Variants in LRTM3 observed in about 807,000 individuals in gnomAD.
LRTM3 encodes the protein leucine rich repeat transmembrane protein 3.
the LRTM3 span, chr13:102,737,602 A>C: frequency 6.4e-7 from 1 of 1,550,542 alleles, no homozygotes; most frequent in Non-Finnish European, 8.7e-7. Context: ...GGTTCTGTGA[A>C]AGTGCCTTCT....
chr13:102,751,342 T>TAC, the LRTM3 span, among the ~76,000 whole-genome samples: 6,704 of 142,006 alleles, frequency 0.047, 209 homozygotes, highest in African/African-American at 0.08. Context: ...TCTCTCTTTA[T>TAC]ACACACACAC....
the LRTM3 span, chr13:102,758,902 C>CT: frequency 1.9e-6 from 3 of 1,543,512 alleles, no homozygotes; most frequent in Non-Finnish European, 2.6e-6. Context: ...CTCCCTACCC[C>CT]TTTTTTAAAG....
the LRTM3 span, chr13:102,758,927 T>C: frequency 1.3e-6 from 2 of 1,510,580 alleles, no homozygotes; most frequent in Non-Finnish European, 1.8e-6. Context: ...AATATTGCTT[T>C]GACATTTTAA....
chr13:102,747,428 A>G, the LRTM3 span: 3 of 1,548,026 alleles, frequency 1.9e-6, no homozygotes, highest in Admixed American at 5.9e-5. Flanking sequence ...TACTTTCATA[A>G]TTACATATTT....
At chr13:102,751,118 G>A in the LRTM3 span, among the ~76,000 whole-genome samples, 2,414 of 152,198 alleles carry the variant, frequency 0.016, 82 homozygotes, top group African/African-American at 0.056. Flanking sequence ...TCAGTGAACT[G>A]TGAGAAAAGC....
chr13:102,748,120 G>A, the LRTM3 span: 1 of 1,551,058 alleles, frequency 6.4e-7, no homozygotes, highest in African/African-American at 1.4e-5. Flanking sequence ...CTTTTGATAT[G>A]CTATGTGTTT....
chr13:102,732,494 T>C, the LRTM3 span: 8 of 1,551,134 alleles, frequency 5.2e-6, no homozygotes, highest in South Asian at 7.1e-5. Flanking sequence ...AAGAGGAACA[T>C]ATGAATAAAA....
the LRTM3 span, chr13:102,748,400 T>A: frequency 6.4e-7 from 1 of 1,551,208 alleles, no homozygotes; most frequent in Non-Finnish European, 8.7e-7. Context: ...CAAACCGACA[T>A]TTGACAACTC....
the LRTM3 span, chr13:102,741,688 T>C: frequency 1.3e-6 from 2 of 1,550,442 alleles, no homozygotes; most frequent in African/African-American, 2.7e-5. Context: ...CTGTAAAAAA[T>C]ATATTCTGTC....
chr13:102,748,672 A>G, the LRTM3 span: 2 of 1,550,344 alleles, frequency 1.3e-6, no homozygotes, highest in Non-Finnish European at 1.7e-6. Flanking sequence ...ATGGTTTTTT[A>G]CTATTTAGAA....
the LRTM3 span, chr13:102,733,084 G>C: frequency 3.0e-5 from 46 of 1,549,682 alleles, no homozygotes; most frequent in Non-Finnish European, 4.0e-5. Context: ...TTGTTTTCTT[G>C]TCCACATCTG....
At chr13:102,743,766 T>A in the LRTM3 span, 1 of 1,550,500 alleles carries the variant, frequency 6.4e-7, no homozygotes, top group East Asian at 2.4e-5. Context: ...CTATTGATTT[T>A]ATGTATCTGT....
At chr13:102,730,025 G>A in the LRTM3 span, 1 of 1,551,604 alleles carries the variant, frequency 6.4e-7, no homozygotes, top group Non-Finnish European at 8.7e-7. Context: ...AGATGACCTA[G>A]ACTGAATTTC....
the LRTM3 span, chr13:102,737,300 A>T: frequency 1.3e-6 from 2 of 1,551,114 alleles, no homozygotes; most frequent in African/African-American, 1.4e-5. Context: ...CTGCTGCCTT[A>T]GTTGCAAAGT....
At chr13:102,730,430 G>A in the LRTM3 span, 2 of 1,550,932 alleles carry the variant, frequency 1.3e-6, no homozygotes, top group Non-Finnish European at 1.7e-6. Context: ...TGAAACAGCT[G>A]AACCAGTAGC....
chr13:102,755,976 T>A, the LRTM3 span, among the ~76,000 whole-genome samples: 1 of 132,178 alleles, frequency 7.6e-6, no homozygotes, highest in Non-Finnish European at 1.6e-5. Flanking sequence ...TTTTTTTTCC[T>A]TTTGAGCTGG....
the LRTM3 span, chr13:102,743,238 C>A: frequency 2.8e-5 from 43 of 1,550,678 alleles, no homozygotes; most frequent in Middle Eastern, 1.7e-4. Flanking sequence ...GAATACCTTG[C>A]TATCCCTTCA....
chr13:102,735,069 G>A, the LRTM3 span: 5 of 1,551,130 alleles, frequency 3.2e-6, no homozygotes, highest in Admixed American at 2.0e-5. Flanking sequence ...AGGTGAAGTG[G>A]GGAGGATCTA....
At chr13:102,744,413 G>T in the LRTM3 span, 17 of 1,549,434 alleles carry the variant, frequency 1.1e-5, 1 homozygote, top group South Asian at 1.7e-4. Flanking sequence ...ATCCCAAGGG[G>T]TATCACGTGG....
Sources: allele counts gnomAD v4.1 joint callset (sites outside exome capture counted in the v4.1 genomes callset), GRCh38; gene constraint gnomAD v4.1.1; transcripts MANE v1.5; gene names NCBI Gene and HGNC (gene_info 2026-07-23, HGNC 2026-07-21).